Variants in PDE4DIP observed in about 807,000 individuals in gnomAD.
PDE4DIP encodes the protein phosphodiesterase 4D interacting protein, also known as myomegalin.
A neutral mutation model predicts 221.4 loss-of-function variants in PDE4DIP; 59 were observed. The ratio of observed to expected loss-of-function variants is 0.27; its 90% CI spans 0.22 to 0.33. The LOEUF (loss-of-function observed/expected upper bound fraction) is 0.33. Ranked by LOEUF, PDE4DIP falls within the 10% of genes least tolerant of loss-of-function variation. The pLI is 1.00. For synonymous variants in PDE4DIP, 404 were observed against 815.9 expected (o/e 0.50, Z 8.60); for missense variants, 1,036 against 2,154.2 (o/e 0.48, Z 10.28).
At chr1:148,935,261 G>T (rs868979327) in intron 4 of PDE4DIP, among the ~76,000 whole-genome samples, 337 of 148,506 alleles carry the variant, frequency 2.3e-3, no homozygotes, top group African/African-American at 8.3e-3. Context: ...GTACCCAGCA[G>T]ATTTTCAAGG....
At chr1:149,023,927 A>T (rs2074205145) in intron 37 of PDE4DIP, among the ~76,000 whole-genome samples, 1 of 148,102 alleles carries the variant, frequency 6.8e-6, no homozygotes, top group Non-Finnish European at 1.5e-5. Context: ...ACACACACAC[A>T]TATATATAGA....
chr1:148,955,528 T>C (rs1393444404), intron 5 of PDE4DIP, among the ~76,000 whole-genome samples: 1 of 152,168 alleles, frequency 6.6e-6, no homozygotes, highest in Admixed American at 6.5e-5. Flanking sequence ...GTTCCTTGTT[T>C]AACTAACGTA....
intron 37 of PDE4DIP, among the ~76,000 whole-genome samples, chr1:149,023,647 TATGTAC>T (rs2073925306): frequency 8.2e-6 from 1 of 121,738 alleles, no homozygotes; most frequent in Non-Finnish European, 1.8e-5. Context: ...TGCACATATA[TATGTAC>T]ATGTATATGT....
exon 1 of PDE4DIP, chr1:148,889,662 C>G: frequency 8.7e-7 from 1 of 1,154,976 alleles, no homozygotes; most frequent in African/African-American, 1.8e-5. Flanking sequence ...CAGCAGCGTC[C>G]CAGCCGGCTG....
intron 21 of PDE4DIP, chr1:148,983,133 C>T (rs2152268336): frequency 6.6e-6 from 1 of 152,080 alleles, no homozygotes; most frequent in Non-Finnish European, 1.5e-5. Flanking sequence ...TTTAAGAGAC[C>T]CTTTCTTGCA....
intron 1 of PDE4DIP, among the ~76,000 whole-genome samples, chr1:148,926,189 GT>G (rs2150351139): frequency 1.8e-5 from 1 of 56,408 alleles, no homozygotes; most frequent in South Asian, 7.2e-4. Flanking sequence ...ATCTGAGGTG[GT>G]TTAGCATATC....
At chr1:148,954,718 A>G (rs1332578416) in intron 5 of PDE4DIP, among the ~76,000 whole-genome samples, 3 of 152,022 alleles carry the variant, frequency 2.0e-5, no homozygotes, top group Admixed American at 6.6e-5. Context: ...TGTCTGCCCA[A>G]TTGATTCTGT....
rs1333761419 is a variant in PDE4DIP at position 149,030,217 on chromosome 1, CTT to C, written c.6953-12_6953-11del. 6.8e-7 allele frequency: 1 copy of C among 1,463,132 alleles called. No homozygotes were observed. Among genetic ancestry groups the C allele is most frequent in the African/African-American group, 1.4e-5 (1 of 70,680 alleles). 90.6% of individuals were successfully genotyped at this position (1,463,132 alleles called of 1,614,324 possible). A position where few individuals can be genotyped will look rare whatever the true frequency, so the allele number is the denominator to read the frequency against. ...CTGGTGGTTTCTACTCTGTGGTGCT[CTT>C]TTGTTGTTTCAGTAACCAGAACACA... On this transcript the variant is annotated splice_polypyrimidine_tract_variant and intron_variant, in intron 42 of 43. Coordinates refer to ENST00000369354, the Ensembl canonical transcript of PDE4DIP.
exon 37 of PDE4DIP, chr1:149,021,120 G>A (rs369209866): frequency 1.3e-5 from 12 of 930,168 alleles, no homozygotes; most frequent in African/African-American, 4.9e-5. Flanking sequence ...AATCTACGAG[G>A]CACTTTATGG....
intron 19 of PDE4DIP, among the ~76,000 whole-genome samples, chr1:148,978,965 C>T (rs1237841777): frequency 2.6e-5 from 4 of 151,670 alleles, no homozygotes; most frequent in African/African-American, 9.7e-5. Flanking sequence ...CACACTCATA[C>T]CTAAGTCACC....
chr1:148,991,723 T>C (rs1187485624), intron 21 of PDE4DIP, among the ~76,000 whole-genome samples, 162 bp from the exon 25 acceptor site: 2 of 152,180 alleles, frequency 1.3e-5, no homozygotes, highest in African/African-American at 4.8e-5. Context: ...TACAAAAAGT[T>C]CTATTTTTCT....
chr1:148,902,114 A>G (rs4649733), intron 1 of PDE4DIP, among the ~76,000 whole-genome samples: 17 of 50,292 alleles, frequency 3.4e-4, no homozygotes, highest in Non-Finnish European at 2.4e-4. Flanking sequence ...TAAGAAGTAC[A>G]TTGGTTCGGT....
chr1:148,981,313 C>T lies in PDE4DIP; in HGVS notation c.2731C>T (p.Gln911Ter). Residue 911 changes from glutamine (Q) to a stop codon, truncating the protein, a stop_gained, in exon 21 of 44, where the codon CAG becomes TAG. Transcript: ENST00000369354. LOFTEE classifies it high-confidence loss of function. Reference sequence around the variant, plus strand: ...TCTGCAGGTGGAACTGGAAGGGGCTCAGGTGTTACGCAGTCGGCTAGAAGA... The same window carrying T: ...TCTGCAGGTGGAACTGGAAGGGGCTTAGGTGTTACGCAGTCGGCTAGAAGA... 1 of 1,613,910 alleles carries T rather than the reference C, an allele frequency of 6.2e-7. No individual in the cohort carries two copies. Among genetic ancestry groups the T allele is most frequent in the South Asian group, 1.1e-5 (1 of 91,072 alleles).
At chr1:148,844,251 C>T (rs1324484027) in intron 1 of PDE4DIP, 177 bp from the exon 1 acceptor site, 4 of 148,246 alleles carry the variant, frequency 2.7e-5, no homozygotes, top group African/African-American at 1.0e-4. Flanking sequence ...CCTCTAAGCT[C>T]TCTGCCCTCT....
At chr1:149,017,674 C>T (rs587709811) in intron 33 of PDE4DIP, 74 bp from the exon 37 acceptor site, 39 of 869,308 alleles carry the variant, frequency 4.5e-5, no homozygotes, top group African/African-American at 2.7e-4. Context: ...GTCCCCTAGC[C>T]GAGCCCCACC....
chr1:148,952,033 C>T (rs587754999), intron 5 of PDE4DIP: 8 of 1,008,134 alleles, frequency 7.9e-6, no homozygotes, highest in Non-Finnish European at 9.5e-6. Context: ...CGCTGGCAGC[C>T]GGAGGACGTG....
chr1:148,953,243 C>T, intron 5 of PDE4DIP: 1 of 1,612,418 alleles, frequency 6.2e-7, no homozygotes. Flanking sequence ...ACACAGCTGC[C>T]ATGGTTCAGA....
intron 1 of PDE4DIP, among the ~76,000 whole-genome samples, chr1:148,827,241 ATTCTTTT>A (rs1553365838): frequency 4.4e-5 from 1 of 22,962 alleles, no homozygotes; most frequent in Non-Finnish European, 8.7e-5. Flanking sequence ...AGGGTGTTAT[ATTCTTTT>A]TTTTTTTTTT....
At chr1:148,962,936 A>C (rs1452503024) in intron 9 of PDE4DIP, among the ~76,000 whole-genome samples, 1 of 152,184 alleles carries the variant, frequency 6.6e-6, no homozygotes, top group Admixed American at 6.5e-5. Context: ...TCTGTCGCCA[A>C]GGTTGGAGTG....
Sources: allele counts gnomAD v4.1 joint callset (sites outside exome capture counted in the v4.1 genomes callset), GRCh38; gene constraint gnomAD v4.1.1; transcripts MANE v1.5; gene names NCBI Gene and HGNC (gene_info 2026-07-23, HGNC 2026-07-21).